CCSER2: variants seen among roughly 807,000 people sequenced by gnomAD.
The protein encoded by CCSER2 is coiled-coil serine rich protein 2.
Under a neutral mutation model 92.3 loss-of-function variants are expected in CCSER2, and 46 were observed. The ratio of observed to expected loss-of-function variants is 0.50; its 90% CI spans 0.39 to 0.64. The LOEUF (loss-of-function observed/expected upper bound fraction) is 0.64, where lower values mean the gene tolerates loss of function less well. Ranked by LOEUF, CCSER2 falls within the 30% of genes least tolerant of loss-of-function variation. CCSER2 has a pLI of 0.00. For synonymous variants in CCSER2, 433 were observed against 431.4 expected, an observed-to-expected ratio of 1.00 and a Z score of -0.04; for missense variants, 1,244 against 1,238.9, an observed-to-expected ratio of 1.00 and a Z score of -0.06.
intron 9 of CCSER2, among the ~76,000 whole-genome samples, chr10:84,495,690 T>G (rs1410914858): frequency 6.6e-6 from 1 of 152,070 alleles, no homozygotes; most frequent in Non-Finnish European, 1.5e-5. Context: ...CTTTTTATCA[T>G]TTTGTGAGGT....
At chr10:84,333,258 G>A (rs1301915017) in intron 1 of CCSER2, among the ~76,000 whole-genome samples, 2 of 152,096 alleles carry the variant, frequency 1.3e-5, no homozygotes, top group African/African-American at 4.8e-5. Flanking sequence ...TGGGGAGCAG[G>A]TTACTCCCAT....
chr10:84,440,514 T>C (rs1004562106), intron 6 of CCSER2, among the ~76,000 whole-genome samples: 1 of 152,196 alleles, frequency 6.6e-6, no homozygotes, highest in Non-Finnish European at 1.5e-5. Context: ...AAAAACAGTA[T>C]GTCTGGCCCC....
chr10:84,378,174 G>A (rs1352243400), intron 3 of CCSER2, among the ~76,000 whole-genome samples: 1 of 152,028 alleles, frequency 6.6e-6, no homozygotes, highest in Non-Finnish European at 1.5e-5. Context: ...ATCAGAGTAT[G>A]GAAATTCTCT....
At chr10:84,450,062 G>A (rs1401640623) in intron 6 of CCSER2, among the ~76,000 whole-genome samples, 1 of 152,022 alleles carries the variant, frequency 6.6e-6, no homozygotes, top group Non-Finnish European at 1.5e-5. Flanking sequence ...GAAAGTCAAG[G>A]GTTTTTAATT....
At chr10:84,345,222 A>G (rs995199316) in intron 1 of CCSER2, among the ~76,000 whole-genome samples, 3 of 152,192 alleles carry the variant, frequency 2.0e-5, no homozygotes, top group Non-Finnish European at 4.4e-5. Flanking sequence ...AGAGGACAGG[A>G]CGGGTTTGAG....
intron 9 of CCSER2, among the ~76,000 whole-genome samples, chr10:84,495,744 GATA>G (rs1381483715): frequency 4.1e-5 from 6 of 147,986 alleles, no homozygotes; most frequent in Non-Finnish European, 6.0e-5. Flanking sequence ...AAGTCTATTT[GATA>G]ATAATATAAG....
intron 6 of CCSER2, among the ~76,000 whole-genome samples, chr10:84,449,853 CAAAA>C (rs1412576067): frequency 6.6e-6 from 1 of 152,080 alleles, no homozygotes; most frequent in Non-Finnish European, 1.5e-5. Context: ...GTCTCAAAAA[CAAAA>C]CAAACAAACA....
intron 9 of CCSER2, chr10:84,507,352 T>C (rs2131865601): frequency 2.0e-6 from 2 of 982,570 alleles, no homozygotes; most frequent in Admixed American, 6.1e-5. Context: ...CAATTTCGGA[T>C]TTTTTCCTAC....
At chr10:84,408,955 A>G (rs1842508395) in intron 3 of CCSER2, among the ~76,000 whole-genome samples, 1 of 152,194 alleles carries the variant, frequency 6.6e-6, no homozygotes, top group Non-Finnish European at 1.5e-5. Flanking sequence ...TCAAAAAAAT[A>G]AAAATCTCAT....
intron 9 of CCSER2, among the ~76,000 whole-genome samples, chr10:84,504,210 G>A (rs1440140564): frequency 6.6e-6 from 1 of 151,424 alleles, no homozygotes; most frequent in African/African-American, 2.4e-5. Flanking sequence ...GAGCATTTAG[G>A]TTTTAATATA....
intron 3 of CCSER2, among the ~76,000 whole-genome samples, chr10:84,401,143 C>A (rs1043680272): frequency 1.3e-5 from 2 of 151,742 alleles, no homozygotes; most frequent in Non-Finnish European, 2.9e-5. Flanking sequence ...AAAGCTTGTA[C>A]CTTAAGAAAC....
intron 9 of CCSER2, among the ~76,000 whole-genome samples, chr10:84,505,606 TTAC>T (rs988182703): frequency 2.8e-4 from 43 of 152,278 alleles, no homozygotes; most frequent in Non-Finnish European, 4.6e-4. Flanking sequence ...TAAAAAAACT[TTAC>T]TAATTCAATT....
chr10:84,383,703 A>G (rs1196458776), intron 3 of CCSER2, among the ~76,000 whole-genome samples: 1 of 152,204 alleles, frequency 6.6e-6, no homozygotes, highest in African/African-American at 2.4e-5. Context: ...TTTATTTAAC[A>G]ATATTATACT....
chr10:84,380,238 A>G (rs1488112229), intron 3 of CCSER2, among the ~76,000 whole-genome samples: 2 of 143,618 alleles, frequency 1.4e-5, no homozygotes, highest in Non-Finnish European at 1.5e-5. Flanking sequence ...ACTATTATTG[A>G]TTTTGTCATT....
At chr10:84,444,449 A>G (rs1030418986) in intron 6 of CCSER2, among the ~76,000 whole-genome samples, 4 of 152,188 alleles carry the variant, frequency 2.6e-5, no homozygotes, top group Non-Finnish European at 5.9e-5. Flanking sequence ...TCTGATATAC[A>G]TTATCTCTAG....
intron 9 of CCSER2, among the ~76,000 whole-genome samples, chr10:84,489,138 T>G (rs889931537): frequency 6.6e-6 from 1 of 152,220 alleles, no homozygotes; most frequent in Non-Finnish European, 1.5e-5. Flanking sequence ...TTACATTTGC[T>G]GAGGAGTGCT....
intron 1 of CCSER2, among the ~76,000 whole-genome samples, chr10:84,329,445 C>T (rs968867523): frequency 6.6e-5 from 10 of 152,200 alleles, no homozygotes; most frequent in African/African-American, 2.4e-4. Context: ...GGCTCCCCGA[C>T]CAATGAGGCT....
At chr10:84,406,426 T>C (rs1199074328) in intron 3 of CCSER2, among the ~76,000 whole-genome samples, 2 of 152,182 alleles carry the variant, frequency 1.3e-5, no homozygotes, top group African/African-American at 4.8e-5. Flanking sequence ...AAACTAATGA[T>C]GGTGTCATTC....
chr10:84,442,560 T>C (rs1589677538), intron 6 of CCSER2, among the ~76,000 whole-genome samples: 1 of 152,240 alleles, frequency 6.6e-6, no homozygotes, highest in African/African-American at 2.4e-5. Context: ...ATGGTAAGAA[T>C]GTAATTTCTT....
Sources: allele counts gnomAD v4.1 joint callset (sites outside exome capture counted in the v4.1 genomes callset), GRCh38; gene constraint gnomAD v4.1.1; transcripts MANE v1.5; gene names NCBI Gene and HGNC (gene_info 2026-07-23, HGNC 2026-07-21).